Variants in AKAP13 observed in about 807,000 individuals in gnomAD.
AKAP13 encodes A-kinase anchoring protein 13, also known as A-kinase anchor protein 13.
AKAP13 carries 80 observed loss-of-function variants against 264.5 expected under a neutral mutation model. The observed-to-expected ratio is 0.30, with a 90% CI of 0.25 to 0.36. The LOEUF is 0.36. Ranked by LOEUF, AKAP13 falls within the 10% of genes least tolerant of loss-of-function variation. AKAP13 has a pLI of 1.00. For missense variants in AKAP13, 3,712 were observed against 3,435.2 expected, an observed-to-expected ratio of 1.08 and a Z score of -2.01; for synonymous variants, 1,380 against 1,250.2, an observed-to-expected ratio of 1.10 and a Z score of -2.19.
chr15:85,568,184 C>T (rs984704144), intron 5 of AKAP13, among the ~76,000 whole-genome samples: 1 of 151,934 alleles, frequency 6.6e-6, no homozygotes, highest in African/African-American at 2.4e-5. Flanking sequence ...CCTGTAGTCT[C>T]AGCTACTCAG....
At chr15:85,586,941 T>G (rs112118689) in intron 8 of AKAP13, among the ~76,000 whole-genome samples, 1 of 23,488 alleles carries the variant, frequency 4.3e-5, no homozygotes, top group African/African-American at 1.5e-4. Flanking sequence ...AAAAAAAAAA[T>G]AAGAGAATAA....
At chr15:85,743,871 A>G (rs756497369) in intron 36 of AKAP13, 46 bp downstream of exon 36, 20 of 1,551,060 alleles carry the variant, frequency 1.3e-5, no homozygotes, top group Non-Finnish European at 1.7e-5. Context: ...GTGTCTGTGC[A>G]TTCTGAGAGA....
intron 1 of AKAP13, among the ~76,000 whole-genome samples, chr15:85,450,825 A>G (rs184868702): frequency 6.6e-6 from 1 of 152,296 alleles, no homozygotes; most frequent in East Asian, 1.9e-4. Flanking sequence ...AAGAATGTAT[A>G]TTCTGTTGCT....
intron 1 of AKAP13, among the ~76,000 whole-genome samples, chr15:85,479,205 AG>A (rs940558384): frequency 4.6e-5 from 7 of 152,222 alleles, no homozygotes; most frequent in African/African-American, 1.7e-4. Flanking sequence ...CAGAATTTCT[AG>A]CTCATATTCC....
intron 32 of AKAP13, among the ~76,000 whole-genome samples, 155 bp downstream of exon 32, chr15:85,735,785 G>T (rs2088429265): frequency 6.6e-6 from 1 of 152,118 alleles, no homozygotes; most frequent in African/African-American, 2.4e-5. Flanking sequence ...AAAACAAATA[G>T]TACAGTTAAG....
chr15:85,740,581 T>C (rs2088877981), intron 34 of AKAP13: 1 of 387,854 alleles, frequency 2.6e-6, no homozygotes, highest in Non-Finnish European at 4.7e-6. Flanking sequence ...TAAGTTTCTA[T>C]ATTCCGTATC....
At position 85,521,458 on chromosome 15, in the gene AKAP13, G is replaced by C; in HGVS notation, c.64G>C (p.Glu22Gln). The change falls in exon 3 of 37, where the codon GAA becomes CAA. Residue 22 changes from glutamate (E) to glutamine (Q), a missense_variant. Physicochemically the swap from Glu to Gln is conservative, Grantham distance 29 (BLOSUM62 2). This residue lies in a region of AKAP13 where 2,759 missense variants were observed against 2,411.7 expected (regional missense o/e 1.14). Coordinates refer to ENST00000394518, the MANE Select transcript of AKAP13 (RefSeq NM_007200.5). ...TTGTGTTGTTACAGTGCTGCTTGCT[G>C]AAGAGGACAAAGCTGAAGATGATGT... ...GDCVVTVLLA[E>Q]EDKAEDDVVF... 4 of 1,614,132 alleles carry C rather than the reference G, an allele frequency of 2.5e-6. No homozygotes were observed. The highest frequency in any genetic ancestry group is 3.4e-6 in the Non-Finnish European group (4 of 1,179,990).
chr15:85,706,024 G>A (rs972768671), intron 17 of AKAP13, among the ~76,000 whole-genome samples: 1 of 152,156 alleles, frequency 6.6e-6, no homozygotes, highest in Non-Finnish European at 1.5e-5. Flanking sequence ...ACTAATCATT[G>A]ACTTTGCCTT....
At chr15:85,589,099 T>C (rs776033996) in intron 8 of AKAP13, among the ~76,000 whole-genome samples, 1 of 152,184 alleles carries the variant, frequency 6.6e-6, no homozygotes, top group Non-Finnish European at 1.5e-5. Context: ...TCCGTGGTGC[T>C]CTGACAAACT....
At chr15:85,568,693 C>T (rs937817696) in intron 5 of AKAP13, among the ~76,000 whole-genome samples, 1 of 152,128 alleles carries the variant, frequency 6.6e-6, no homozygotes, top group African/African-American at 2.4e-5. Flanking sequence ...TATATCTATA[C>T]AGTAGAGATA....
At chr15:85,386,538 C>T (rs372835298) in intron 1 of AKAP13, among the ~76,000 whole-genome samples, 13 of 152,088 alleles carry the variant, frequency 8.5e-5, no homozygotes, top group Admixed American at 2.0e-4. Flanking sequence ...AGCCACCCAC[C>T]GCAGCCTCCC....
Position 85,581,504 on chromosome 15 carries a change from G to A in AKAP13, c.3436G>A (p.Gly1146Arg), listed in dbSNP as rs767856592. 64 of 1,614,072 alleles carry A rather than the reference G, an allele frequency of 4.0e-5. No homozygotes were observed. Among genetic ancestry groups the A allele is most frequent in the Non-Finnish European group, 5.0e-5 (59 of 1,180,046 alleles). The change falls in exon 7 of 37, where the codon GGA becomes AGA. Residue 1146 changes from glycine to arginine, a missense_variant. By Grantham distance (125) the Gly-to-Arg change is moderately radical. Transcript: ENST00000394518. ...GGACAAAGCTGTGACTGACCCACAGGGAGTTGGAACCCCAGAGATGATACC... is the reference window on the plus strand; with the variant it reads ...GGACAAAGCTGTGACTGACCCACAGAGAGTTGGAACCCCAGAGATGATACC... ...LQDKAVTDPQGVGTPEMIPLD... is the reference protein window; with the variant it reads ...LQDKAVTDPQRVGTPEMIPLD...
At chr15:85,667,821 T>C (rs2083686167) in intron 13 of AKAP13, among the ~76,000 whole-genome samples, 1 of 152,250 alleles carries the variant, frequency 6.6e-6, no homozygotes, top group South Asian at 2.1e-4. Flanking sequence ...TTTCTTAATA[T>C]TATTTATGTG....
In AKAP13 at chr15:85,580,284, A is replaced by G. The variant is rs1011555174; in HGVS notation, c.2216A>G (p.Asn739Ser). Residue 739 changes from asparagine to serine, a missense_variant, in exon 7 of 37, where the codon AAC (asparagine) becomes AGC (serine). Physicochemically the swap from Asn to Ser is conservative, Grantham distance 46. Transcript: ENST00000394518. ...ADFCPFKVVD[N>S]KGQRKDVKLD... Reference sequence around the variant, plus strand: ...TTTTGTCCTTTCAAAGTGGTGGATAACAAAGGCCAACGAAAAGATGTGAAA... The same window carrying G: ...TTTTGTCCTTTCAAAGTGGTGGATAGCAAAGGCCAACGAAAAGATGTGAAA... The G allele has an allele frequency of 4.3e-5, 69 of 1,614,124 alleles. No homozygotes were observed. The highest frequency in any genetic ancestry group is 5.7e-5 in the Non-Finnish European group (67 of 1,180,060).
intron 1 of AKAP13, among the ~76,000 whole-genome samples, chr15:85,455,367 T>C (rs1242826439): frequency 6.6e-6 from 1 of 152,160 alleles, no homozygotes; most frequent in Non-Finnish European, 1.5e-5. Context: ...AGAACCATTA[T>C]AGGGTTGAGG....
rs890844514 is a variant in AKAP13, at chr15:85,411,679, C to T, written c.-12+30881C>T. Reference sequence around the variant, plus strand: ...GTCTCGATCTCTTGACCTCGTGATCCGCCTGCCTCGGCCTCCTGAAGTGCT... The same window carrying T: ...GTCTCGATCTCTTGACCTCGTGATCTGCCTGCCTCGGCCTCCTGAAGTGCT... On this transcript the variant is annotated intron_variant, in intron 1 of 36. Transcript: ENST00000394518. Among the ~76,000 whole-genome samples, 28 of 152,264 alleles carry T rather than the reference C, an allele frequency of 1.8e-4. 1 individual carries two copies. Among genetic ancestry groups the T allele is most frequent in the Admixed American group, 1.2e-3 (18 of 15,298 alleles).
intron 12 of AKAP13, among the ~76,000 whole-genome samples, chr15:85,660,732 A>G (rs2083307216): frequency 6.6e-6 from 1 of 152,230 alleles, no homozygotes; most frequent in Admixed American, 6.5e-5. Flanking sequence ...CATCCCACTT[A>G]CCAGACCAGC....
Position 85,719,098 on chromosome 15 carries a change from T to C in AKAP13, c.6024T>C (p.His2008=). The C allele has an allele frequency of 6.2e-7, 1 of 1,614,114 alleles. No individual in the cohort carries two copies. Among genetic ancestry groups the C allele is most frequent in the East Asian group, 2.2e-5 (1 of 44,876 alleles). ...VIYELMQTEF[H]HVRTLKIMSG... ...TAGAGTTGATGCAGACAGAGTTTCA[T>C]CATGTCCGCACTCTCAAGATCATGA... The change falls in exon 23 of 37, where the codon CAT becomes CAC. Residue 2008 remains histidine (H), a synonymous_variant. Transcript: ENST00000394518.
intron 11 of AKAP13, 30 bp from the exon 12 acceptor site, chr15:85,658,507 A>C: frequency 6.2e-7 from 1 of 1,611,646 alleles, no homozygotes; most frequent in Non-Finnish European, 8.5e-7. Flanking sequence ...TTTCACCTGC[A>C]ACACTGACCT....
Sources: gnomAD v4.1 joint callset for allele counts (sites outside exome capture counted in the v4.1 genomes callset) on GRCh38, gnomAD v4.1.1 for gene constraint, gnomAD v4.1.1 regional missense constraint, MANE v1.5 for transcripts, NCBI Gene and HGNC (gene_info 2026-07-23, HGNC 2026-07-21) for gene names.